The following MME variants were observed in gnomAD, a reference collection of about 807,000 sequenced individuals.
MME encodes membrane metalloendopeptidase.
In MME, 98 loss-of-function variants were observed where a neutral mutation model predicts 113.2. That is an observed-to-expected ratio of 0.87 (90% CI 0.74 to 1.02). The LOEUF is 1.02. Ranked by LOEUF, MME falls within the 50% of genes least tolerant of loss-of-function variation. MME has a pLI of 0.00. For synonymous variants in MME, 292 were observed against 300.6 expected (o/e 0.97, Z 0.30); for missense variants, 836 against 896.0 (o/e 0.93, Z 0.86).
At chr3:155,034,740 A>G (rs1713076771) in intron 1 of MME, among the ~76,000 whole-genome samples, 1 of 152,202 alleles carries the variant, frequency 6.6e-6, no homozygotes, top group South Asian at 2.1e-4. Flanking sequence ...GCCCCTTCCT[A>G]ACAAAACTGG....
At chr3:155,116,594 A>G (rs1718628464) in intron 5 of MME, 35 bp downstream of exon 5, 8 of 1,271,548 alleles carry the variant, frequency 6.3e-6, no homozygotes, top group Non-Finnish European at 8.8e-6. Flanking sequence ...TTAGGAGTAT[A>G]TATATATATA....
chr3:155,071,081 G>A (rs538046912), intron 1 of MME, among the ~76,000 whole-genome samples: 1 of 152,270 alleles, frequency 6.6e-6, no homozygotes, highest in East Asian at 1.9e-4. Flanking sequence ...CTCAAAATCA[G>A]CCCTCCCTCC....
At chr3:155,063,209 T>A (rs1714221867) in intron 1 of MME, among the ~76,000 whole-genome samples, 1 of 124,568 alleles carries the variant, frequency 8.0e-6, no homozygotes, top group Non-Finnish European at 1.6e-5. Flanking sequence ...ATATATTATA[T>A]AATAATATAC....
upstream of MME, among the ~76,000 whole-genome samples, chr3:155,078,665 G>GTA (rs750203082): frequency 0.034 from 5,155 of 150,454 alleles, 106 homozygotes; most frequent in Non-Finnish European, 0.047. Flanking sequence ...GTGTATGTGT[G>GTA]TGTGTGTGTG....
At chr3:155,168,705 A>G (rs763466766) in intron 19 of MME, 27 bp from the exon 20 acceptor site, 11 of 1,612,052 alleles carry the variant, frequency 6.8e-6, no homozygotes, top group Admixed American at 5.0e-5. Context: ...TTTTTTAACA[A>G]TCCTAATAAA....
chr3:155,024,496 T>A (rs1712708690), intron 1 of MME, among the ~76,000 whole-genome samples: 1 of 152,246 alleles, frequency 6.6e-6, no homozygotes, highest in South Asian at 2.1e-4. Flanking sequence ...ATGTATTGAT[T>A]TATGTTGTTT....
At position 155,138,236 on chromosome 3, in the gene MME, T is replaced by G. The variant is rs1434664230; in HGVS notation, c.855T>G (p.Asn285Lys). ...TGGAATTGGAAAAAGAAATTGCCAA[T>G]GTAAAACACATTTTTTTTTCTGATA... is the stretch of plus-strand genomic sequence containing the variant. ...KVMELEKEIA[N>K]ATAKPEDRND... Residue 285 changes from asparagine to lysine, a missense_variant and splice_region_variant, in exon 9 of 23, where the codon AAT (asparagine) becomes AAG (lysine). Physicochemically the swap from Asn to Lys is moderately conservative, Grantham distance 94. Coordinates refer to ENST00000360490, the MANE Select transcript of MME (RefSeq NM_007289.4). 1 of 1,613,484 alleles carries G rather than the reference T, an allele frequency of 6.2e-7. No homozygotes were observed. The highest frequency in any genetic ancestry group is 2.2e-5 in the East Asian group (1 of 44,808).
At chr3:155,057,024 A>C (rs1713953233) in intron 1 of MME, among the ~76,000 whole-genome samples, 3 of 152,222 alleles carry the variant, frequency 2.0e-5, no homozygotes, top group African/African-American at 7.2e-5. Flanking sequence ...ACCATTCAGG[A>C]CATAGGCATG....
chr3:155,125,617 C>T (rs954856375), intron 8 of MME, among the ~76,000 whole-genome samples: 17 of 151,712 alleles, frequency 1.1e-4, no homozygotes, highest in Non-Finnish European at 2.1e-4. Flanking sequence ...CCCGCCACCG[C>T]GCCCAGCTAA....
chr3:155,041,033 A>G (rs1194875669), intron 1 of MME, among the ~76,000 whole-genome samples: 2 of 151,992 alleles, frequency 1.3e-5, no homozygotes, highest in Non-Finnish European at 2.9e-5. Flanking sequence ...TTTCCTCAGG[A>G]CTCTCCCACA....
At chr3:155,158,950 A>G (rs1165095493) in intron 16 of MME, 1 of 152,038 alleles carries the variant, frequency 6.6e-6, no homozygotes, top group Non-Finnish European at 1.5e-5. Flanking sequence ...ATGTTGATCA[A>G]TCATTCTTCC....
chr3:155,170,111 A>G (rs1429151228), intron 20 of MME, among the ~76,000 whole-genome samples: 1 of 151,706 alleles, frequency 6.6e-6, no homozygotes. Context: ...AGTGGCACGA[A>G]CTCGGCTCAC....
At chr3:155,063,167 A>T (rs1445496147) in intron 1 of MME, among the ~76,000 whole-genome samples, 11 of 130,922 alleles carry the variant, frequency 8.4e-5, no homozygotes, top group Non-Finnish European at 1.2e-4. Flanking sequence ...GTATAATTAT[A>T]TATATTATAT....
At chr3:155,116,586 AG>A in intron 5 of MME, 27 bp downstream of exon 5, 1 of 1,468,828 alleles carries the variant, frequency 6.8e-7, no homozygotes, top group Non-Finnish European at 9.4e-7. Context: ...TGATTTCATT[AG>A]GAGTATATAT....
intron 3 of MME, among the ~76,000 whole-genome samples, chr3:155,088,383 A>G (rs1715961416): frequency 6.6e-6 from 1 of 152,144 alleles, no homozygotes; most frequent in Non-Finnish European, 1.5e-5. Context: ...TGGAAAGAAA[A>G]AGAAATGTGA....
chr3:155,057,728 A>G (rs1171730431), intron 1 of MME, among the ~76,000 whole-genome samples: 1 of 146,052 alleles, frequency 6.8e-6, no homozygotes, highest in Non-Finnish European at 1.5e-5. Context: ...TGACTTTGAG[A>G]GGGCAGGGAA....
intron 1 of MME, among the ~76,000 whole-genome samples, chr3:155,083,174 G>A (rs34877913): frequency 0.12 from 18,851 of 152,160 alleles, 1,415 homozygotes; most frequent in Non-Finnish European, 0.17. Flanking sequence ...ACTGCATGAT[G>A]ATACAGCTTT....
intron 18 of MME, among the ~76,000 whole-genome samples, chr3:155,167,676 G>T (rs1338835510): frequency 1.3e-5 from 2 of 152,120 alleles, no homozygotes; most frequent in African/African-American, 4.8e-5. Context: ...CCATTTTAGA[G>T]AGCCAGAGAA....
At chr3:155,129,876 G>C (rs146547700) in intron 8 of MME, among the ~76,000 whole-genome samples, 372 of 152,304 alleles carry the variant, frequency 2.4e-3, no homozygotes, top group African/African-American at 8.8e-3. Context: ...AAATTTGTAA[G>C]TGAAACCAAC....
Sources: allele counts gnomAD v4.1 joint callset (sites outside exome capture counted in the v4.1 genomes callset), GRCh38; gene constraint gnomAD v4.1.1; transcripts MANE v1.5; gene names NCBI Gene and HGNC (gene_info 2026-07-23, HGNC 2026-07-21).